QTGAL: variants seen among roughly 807,000 people sequenced by gnomAD.
QTGAL encodes the protein queuosine-tRNA galactosyltransferase.
chr17:83,006,809 T>G, the QTGAL span: 1 of 985,434 alleles, frequency 1.0e-6, no homozygotes. This position sits in a 1 kb window ranked among gnomAD's most constrained non-coding sequence, Gnocchi z 5.8. Context: ...AGTTCAGGTT[T>G]GTCTGTGAAC....
the QTGAL span, among the ~76,000 whole-genome samples, chr17:82,963,151 T>C: frequency 6.6e-6 from 1 of 152,094 alleles, no homozygotes; most frequent in Non-Finnish European, 1.5e-5. Context: ...TCGGGCAGCC[T>C]TGGGGGATGG....
At chr17:83,030,261 G>A in the QTGAL span, among the ~76,000 whole-genome samples, 6 of 152,164 alleles carry the variant, frequency 3.9e-5, no homozygotes, top group Non-Finnish European at 5.9e-5. Flanking sequence ...CTCCATGAGA[G>A]GAAAATCTTA....
At chr17:83,051,607 A>C in the QTGAL span, 14 of 949,304 alleles carry the variant, frequency 1.5e-5, no homozygotes, top group South Asian at 2.2e-5. Flanking sequence ...CTCAGGGCGG[A>C]GACCCCGTAG....
the QTGAL span, among the ~76,000 whole-genome samples, chr17:82,978,003 T>C: frequency 6.6e-6 from 1 of 152,156 alleles, no homozygotes; most frequent in African/African-American, 2.4e-5. This position sits in a 1 kb window ranked among gnomAD's most constrained non-coding sequence, Gnocchi z 4.8. Context: ...CCACAGGTGG[T>C]GGCAGTGGGT....
At chr17:83,041,345 G>A in the QTGAL span, among the ~76,000 whole-genome samples, 1 of 152,172 alleles carries the variant, frequency 6.6e-6, no homozygotes, top group Non-Finnish European at 1.5e-5. Flanking sequence ...AATAATGGCT[G>A]AAAAATTCTC....
At chr17:83,008,904 G>T in the QTGAL span, among the ~76,000 whole-genome samples, 1 of 152,208 alleles carries the variant, frequency 6.6e-6, no homozygotes, top group Non-Finnish European at 1.5e-5. Flanking sequence ...CAGCCCGGCA[G>T]TCCAGAGGTG....
chr17:82,992,756 T>G, the QTGAL span, among the ~76,000 whole-genome samples: 74 of 152,138 alleles, frequency 4.9e-4, no homozygotes, highest in African/African-American at 1.7e-3. Flanking sequence ...CTATAATAAC[T>G]TTTCAACAGA....
the QTGAL span, among the ~76,000 whole-genome samples, chr17:83,005,380 G>A: frequency 6.6e-6 from 1 of 152,138 alleles, no homozygotes; most frequent in African/African-American, 2.4e-5. The surrounding 1 kb of genome is among the most constrained non-coding windows in gnomAD (Gnocchi z 5.6). Context: ...CGAGGAGGAG[G>A]AGGGATGCCT....
chr17:83,042,692 CCTTG>C, the QTGAL span, among the ~76,000 whole-genome samples: 1 of 148,130 alleles, frequency 6.8e-6, no homozygotes, highest in Non-Finnish European at 1.5e-5. Flanking sequence ...AAAAGTCCTT[CCTTG>C]TCAGTAATCA....
chr17:82,965,726 G>T, the QTGAL span: 1 of 1,612,284 alleles, frequency 6.2e-7, no homozygotes, highest in African/African-American at 1.3e-5. Flanking sequence ...TGATCACCGT[G>T]GGGCCATTTG....
the QTGAL span, among the ~76,000 whole-genome samples, chr17:82,987,629 T>C: frequency 4.6e-5 from 7 of 152,368 alleles, no homozygotes; most frequent in East Asian, 1.3e-3. Context: ...TGTTGGCCTA[T>C]GTGTCTGTTT....
At chr17:82,983,773 G>A in the QTGAL span, among the ~76,000 whole-genome samples, 2 of 152,366 alleles carry the variant, frequency 1.3e-5, no homozygotes, top group East Asian at 3.9e-4. Flanking sequence ...GTGTCCAAGT[G>A]CTGAGGACTG....
At chr17:83,021,291 T>C in the QTGAL span, among the ~76,000 whole-genome samples, 1 of 152,014 alleles carries the variant, frequency 6.6e-6, no homozygotes, top group Non-Finnish European at 1.5e-5. Context: ...AAAGGCTCCT[T>C]ATTCACAGGT....
chr17:83,006,225 C>T, the QTGAL span: 4 of 985,740 alleles, frequency 4.1e-6, no homozygotes, highest in Non-Finnish European at 3.6e-6. The surrounding 1 kb of genome is among the most constrained non-coding windows in gnomAD (Gnocchi z 5.8). Context: ...TCTCCTAACT[C>T]TGAAGCGATG....
the QTGAL span, among the ~76,000 whole-genome samples, chr17:82,970,514 T>C: frequency 1.8e-5 from 1 of 56,580 alleles, no homozygotes; most frequent in Non-Finnish European, 3.9e-5. Flanking sequence ...CAAACACAGG[T>C]CCTCCCCACC....
chr17:82,974,758 T>TC, the QTGAL span, among the ~76,000 whole-genome samples: 96 of 151,626 alleles, frequency 6.3e-4, 1 homozygote, highest in Non-Finnish European at 1.3e-3. Flanking sequence ...GTGAGCTGGG[T>TC]CCCCCCCACA....
the QTGAL span, among the ~76,000 whole-genome samples, chr17:82,988,019 T>A: frequency 6.6e-6 from 1 of 152,196 alleles, no homozygotes; most frequent in African/African-American, 2.4e-5. Context: ...AGGTATTTTA[T>A]TCTCTTTGTA....
the QTGAL span, among the ~76,000 whole-genome samples, chr17:82,978,203 CCTGGGGTCCCTT>C: frequency 6.6e-6 from 1 of 152,172 alleles, no homozygotes; most frequent in African/African-American, 2.4e-5. This position sits in a 1 kb window ranked among gnomAD's most constrained non-coding sequence, Gnocchi z 4.8. Flanking sequence ...CCTGCCTCCT[CCTGGGGTCCCTT>C]CTGCTTCTCC....
the QTGAL span, chr17:83,048,503 A>G: frequency 7.6e-5 from 122 of 1,613,674 alleles, 1 homozygote; most frequent in Admixed American, 1.7e-3. Flanking sequence ...GTGCCCCCCA[A>G]TGATCACGTG....
Sources: gnomAD v4.1 joint callset for allele counts (sites outside exome capture counted in the v4.1 genomes callset) on GRCh38, gnomAD v4.1.1 for gene constraint, Gnocchi (gnomAD v3.1) non-coding constraint, MANE v1.5 for transcripts, NCBI Gene and HGNC (gene_info 2026-07-23, HGNC 2026-07-21) for gene names.